The following NOTCH1 variants were observed in gnomAD, a reference collection of about 807,000 sequenced individuals.
The protein encoded by NOTCH1 is notch receptor 1, also known as neurogenic locus notch homolog protein 1.
NOTCH1 carries 37 observed loss-of-function variants against 254.8 expected under a neutral mutation model. That is an observed-to-expected ratio of 0.15 (90% confidence interval 0.11 to 0.19). NOTCH1 has a LOEUF of 0.19. Among genes scored for constraint, NOTCH1 ranks in the 10% least tolerant of loss-of-function variants. NOTCH1 has a pLI of 1.00. For missense variants in NOTCH1, 2,972 were observed against 3,708.6 expected (o/e 0.80, Z 5.16); for synonymous variants, 1,731 against 1,618.1 (o/e 1.07, Z -1.68).
At chr9:136,507,107 C>G in intron 22 of NOTCH1, 134 bp from the exon 23 acceptor site, 8 of 1,461,730 alleles carry the variant, frequency 5.5e-6, no homozygotes, top group Non-Finnish European at 9.4e-7. Context: ...GTCAAGGGTG[C>G]CGTGGAGACG....
At chr9:136,527,035 G>A (rs150897493) in intron 2 of NOTCH1, among the ~76,000 whole-genome samples, 45 of 152,326 alleles carry the variant, frequency 3.0e-4, no homozygotes, top group African/African-American at 9.1e-4. Flanking sequence ...CGTGAGACGC[G>A]CTAGCTGGGG....
chr9:136,543,526 C>G (rs551840247), intron 2 of NOTCH1: 62 of 305,236 alleles, frequency 2.0e-4, no homozygotes, highest in South Asian at 1.6e-3. Flanking sequence ...CAGGAGGTGG[C>G]ATCACCTGTG....
chr9:136,538,383 G>A (rs904742761), intron 2 of NOTCH1, among the ~76,000 whole-genome samples: 2 of 152,172 alleles, frequency 1.3e-5, no homozygotes, highest in African/African-American at 2.4e-5. Flanking sequence ...GGTCCCGCTG[G>A]CTGTAGTTGG....
At position 136,517,817 on chromosome 9, in the gene NOTCH1, T is replaced by C. The variant is rs574143345; in HGVS notation, c.1376A>G (p.Asn459Ser). The C allele has an allele frequency of 7.6e-5, 123 of 1,612,676 alleles. No individual in the cohort carries two copies. In the South Asian group the frequency reaches 1.1e-3, roughly 14 times the overall value. Reference protein sequence around the residue: ...CEIDVNECVSNPCQNDATCLD... With the variant: ...CEIDVNECVSSPCQNDATCLD... ...GCAGGTGGCGTCGTTCTGGCACGGGTTCGAGACGCACTCGTTGACGTCGAT... is the reference window on the plus strand; with the variant it reads ...GCAGGTGGCGTCGTTCTGGCACGGGCTCGAGACGCACTCGTTGACGTCGAT... The change falls in exon 8 of 34, where the codon AAC becomes AGC. Residue 459 changes from asparagine (N) to serine (S), a missense_variant. This residue lies in a region of NOTCH1 where 90 missense variants were observed against 183.6 expected (regional missense o/e 0.49). Coordinates refer to ENST00000651671, the MANE Select transcript of NOTCH1 (RefSeq NM_017617.5).
chr9:136,496,448 G>T lies in NOTCH1; in HGVS notation c.7291C>A (p.Arg2431=). 6.2e-7 allele frequency: 1 copy of T among 1,600,188 alleles called. No individual in the cohort carries two copies. Residue 2431 remains arginine (R), a synonymous_variant, in exon 34 of 34, where the codon CGG becomes AGG. Coordinates refer to ENST00000651671, the MANE Select transcript of NOTCH1 (RefSeq NM_017617.5). ...CTCGGCTCTCCACTCAGGAAGCTCCGGCCCAGGTGGCCGCTGGCTGCTGAG... is the reference window on the plus strand; with the variant it reads ...CTCGGCTCTCCACTCAGGAAGCTCCTGCCCAGGTGGCCGCTGGCTGCTGAG... ...VSSAASGHLG[R]SFLSGEPSQA...
chr9:136,506,005 C>A lies in NOTCH1; in HGVS notation c.4015-124G>T, dbSNP rs1843079497. The stretch of plus-strand genomic sequence containing the variant: ...TCTAACCTGGGAGGCGGCCTGCAAC[C>A]TTGCCCCCAGCAGCAAAACCCTTTA... On this transcript the variant is annotated intron_variant, in intron 24 of 33. Coordinates refer to ENST00000651671, the MANE Select transcript of NOTCH1 (RefSeq NM_017617.5). The surrounding 1 kb of genome is among the most constrained non-coding windows in gnomAD (Gnocchi z 4.5). The A allele has an allele frequency of 1.2e-6, 1 of 825,234 alleles. No individual in the cohort carries two copies. The allele number at this position is 825,234 out of a possible 1,614,324, so 51.1% of individuals were successfully genotyped here. A position where few individuals can be genotyped will look rare whatever the true frequency, so the allele number is the denominator to read the frequency against.
In NOTCH1 at chr9:136,496,951, C is replaced by T. The variant is rs200521815; in HGVS notation, c.6788G>A (p.Arg2263Gln). 258 of 1,611,184 alleles carry T rather than the reference C, an allele frequency of 1.6e-4. 4 individuals carry two copies. The East Asian group carries it at 5.0e-3, about 31-fold the overall frequency. Reference protein sequence around the residue: ...PEMAALGGGGRLAFETGPPRL... With the variant: ...PEMAALGGGGQLAFETGPPRL... ...AGGTGGGCCAGTCTCAAAGGCCAGCCGGCCGCCCCCACCCAGCGCCGCCAT... is the reference window on the plus strand; with the variant it reads ...AGGTGGGCCAGTCTCAAAGGCCAGCTGGCCGCCCCCACCCAGCGCCGCCAT... Residue 2263 changes from arginine (R) to glutamine (Q), a missense_variant, in exon 34 of 34, where the codon CGG becomes CAG. This residue lies in a region of NOTCH1 where 529 missense variants were observed against 529.2 expected (regional missense o/e 1.00). Coordinates refer to ENST00000651671, the MANE Select transcript of NOTCH1 (RefSeq NM_017617.5).
rs377594681 is a variant in NOTCH1, at chr9:136,506,829, C to A, written c.3788G>T (p.Arg1263Leu). ...CTCPPGFVGE[R>L]CEGDVNECLS... ...GCACTCGTTGACATCCCCCTCACAGCGCTCACCCACGAAGCCCGGCGGGCA... is the reference window on the plus strand; with the variant it reads ...GCACTCGTTGACATCCCCCTCACAGAGCTCACCCACGAAGCCCGGCGGGCA... The change falls in exon 23 of 34, where the codon CGC (arginine) becomes CTC (leucine). Residue 1263 changes from arginine to leucine, a missense_variant. Physicochemically the swap from Arg to Leu is moderately radical, Grantham distance 102 (BLOSUM62 -2). Coordinates refer to ENST00000651671, the MANE Select transcript of NOTCH1 (RefSeq NM_017617.5). The surrounding 1 kb of genome is among the most constrained non-coding windows in gnomAD (Gnocchi z 4.5). 2 of 1,612,206 alleles carry A rather than the reference C, an allele frequency of 1.2e-6. No individual in the cohort carries two copies. The highest frequency in any genetic ancestry group is 4.5e-5 in the East Asian group (2 of 44,848).
rs1554826860 is a variant in NOTCH1 at position 136,500,706 on chromosome 9, G to A, written c.5780C>T (p.Thr1927Met). The A allele has an allele frequency of 3.1e-6, 5 of 1,609,788 alleles. No homozygotes were observed. Among genetic ancestry groups the A allele is most frequent in the Non-Finnish European group, 4.2e-6 (5 of 1,179,900 alleles). The change falls in exon 31 of 34, where the codon ACG becomes ATG. Residue 1927 changes from threonine (T) to methionine (M), a missense_variant. Physicochemically the swap from Thr to Met is moderately conservative, Grantham distance 81 (BLOSUM62 -1). Around this residue, in one of 8 missense-constraint regions of NOTCH1, gnomAD observed 421 missense variants for 604.4 expected, o/e 0.70. Transcript: ENST00000651671. ...GASLHNQTDR[T>M]GETALHLAAR... Reference sequence around the variant, plus strand: ...GGCCAGGTGCAAGGCGGTCTCGCCCGTGCGGTCTGTCTGGTTGTGCAGGCT... The same window carrying A: ...GGCCAGGTGCAAGGCGGTCTCGCCCATGCGGTCTGTCTGGTTGTGCAGGCT...
At chr9:136,507,613 G>T (rs1000897117) in intron 21 of NOTCH1, among the ~76,000 whole-genome samples, 176 bp from the exon 22 acceptor site, 1 of 152,204 alleles carries the variant, frequency 6.6e-6, no homozygotes, top group Middle Eastern at 3.2e-3. Context: ...AGACCCTGGC[G>T]GGGCCTCGGT....
intron 12 of NOTCH1, 22 bp from the exon 13 acceptor site, chr9:136,514,724 C>T: frequency 6.2e-7 from 1 of 1,608,718 alleles, no homozygotes; most frequent in Non-Finnish European, 8.5e-7. Flanking sequence ...GCGGGTCAGA[C>T]TCCGAGGCCC....
chr9:136,507,876 TG>T (rs2133346006), intron 21 of NOTCH1, 78 bp downstream of exon 21: 1 of 1,479,874 alleles, frequency 6.8e-7, no homozygotes, highest in Non-Finnish European at 9.4e-7. Context: ...TTTTCTCCAC[TG>T]GGCCAGCTCC....
In NOTCH1 at chr9:136,515,529, C is replaced by G. The variant is rs772435714; in HGVS notation, c.1857G>C (p.Gln619His). The change falls in exon 11 of 34, where the codon CAG (glutamine) becomes CAC (histidine). Residue 619 changes from glutamine to histidine, a missense_variant. Around this residue, in one of 8 missense-constraint regions of NOTCH1, gnomAD observed 1,343 missense variants for 1,557.0 expected, o/e 0.86. Coordinates refer to ENST00000651671, the MANE Select transcript of NOTCH1 (RefSeq NM_017617.5). ...AGCAGAGGTAGGCGTTGTCGCGGTC[C>G]TGGCAGGTGCCCCCGTGGCGGCAGG... is the stretch of plus-strand genomic sequence containing the variant. ...SQPCRHGGTC[Q>H]DRDNAYLCFC... 6.2e-7 allele frequency: 1 copy of G among 1,611,930 alleles called. No homozygotes were observed. Among genetic ancestry groups the G allele is most frequent in the Non-Finnish European group, 8.5e-7 (1 of 1,179,840 alleles).
chr9:136,508,446 A>G (rs1292203134), intron 19 of NOTCH1, 61 bp from the exon 20 acceptor site: 5 of 1,609,750 alleles, frequency 3.1e-6, no homozygotes, highest in Non-Finnish European at 4.2e-6. Flanking sequence ...GGTAGCTCAG[A>G]ACGCACATCT....
At chr9:136,528,886 G>A (rs1195698633) in intron 2 of NOTCH1, among the ~76,000 whole-genome samples, 3 of 152,144 alleles carry the variant, frequency 2.0e-5, no homozygotes, top group Non-Finnish European at 4.4e-5. Context: ...CAGGGAGCCC[G>A]TGGCCACGTC....
rs1330243503 is a variant in NOTCH1, at chr9:136,494,523, G to C, written c.*1548C>G. The C allele has an allele frequency of 2.3e-5, 9 of 398,898 alleles. No homozygotes were observed. 24.7% of individuals were successfully genotyped at this position (398,898 alleles called of 1,614,324 possible). ...TACATCATCTACAGTTCCTCATGTAGATCACTTTTAAAGTCTTTTTCTGTA... is the reference window on the plus strand; with the variant it reads ...TACATCATCTACAGTTCCTCATGTACATCACTTTTAAAGTCTTTTTCTGTA... On this transcript the variant is annotated 3_prime_UTR_variant, in exon 34 of 34. Coordinates refer to ENST00000651671, the MANE Select transcript of NOTCH1 (RefSeq NM_017617.5).
At chr9:136,530,566 G>C (rs1843543905) in intron 2 of NOTCH1, among the ~76,000 whole-genome samples, 1 of 141,420 alleles carries the variant, frequency 7.1e-6, no homozygotes, top group Non-Finnish European at 1.5e-5. Flanking sequence ...TGAGACCCCA[G>C]GAACTAGGTG....
chr9:136,528,439 TGA>T (rs199828475), intron 2 of NOTCH1, among the ~76,000 whole-genome samples: 6,461 of 14,368 alleles, frequency 0.45, 752 homozygotes, highest in Middle Eastern at 0.69. Flanking sequence ...GCAGGGACGG[TGA>T]GGGGGGGATG....
chr9:136,529,239 C>T (rs2133386845), intron 2 of NOTCH1, among the ~76,000 whole-genome samples: 1 of 152,352 alleles, frequency 6.6e-6, no homozygotes, highest in South Asian at 2.1e-4. Flanking sequence ...CACTGTGACC[C>T]CCTACTGGAG....
Sources: allele counts gnomAD v4.1 joint callset (sites outside exome capture counted in the v4.1 genomes callset), GRCh38; gene constraint gnomAD v4.1.1; regional missense constraint gnomAD v4.1.1; non-coding constraint Gnocchi (gnomAD v3.1); transcripts MANE v1.5; gene names NCBI Gene and HGNC (gene_info 2026-07-23, HGNC 2026-07-21).